Variants in SNCAIP observed in about 807,000 individuals in gnomAD.
SNCAIP encodes the protein synphilin-1.
In SNCAIP, 43 loss-of-function variants were observed where a neutral mutation model predicts 86.7. That is an observed-to-expected ratio of 0.50 (90% CI 0.39 to 0.64). The LOEUF (loss-of-function observed/expected upper bound fraction) is 0.64, where lower values mean the gene tolerates loss of function less well. Ranked by LOEUF, SNCAIP falls within the 30% of genes least tolerant of loss-of-function variation. SNCAIP has a pLI of 0.00. For missense variants in SNCAIP, 981 were observed against 1,103.1 expected, an observed-to-expected ratio of 0.89 and a Z score of 1.57; for synonymous variants, 417 against 427.2, an observed-to-expected ratio of 0.98 and a Z score of 0.29.
rs115959188 is a variant in SNCAIP, at chr5:122,445,406, A to G, written c.1592+674A>G. 3.8e-3 allele frequency among the ~76,000 whole-genome samples: 582 copies of G among 152,240 alleles called. 7 individuals carry two copies. Among genetic ancestry groups the G allele is most frequent in the African/African-American group, 0.013 (547 of 41,546 alleles). ...TCTGGGAGATTGTCATAATATGCTT[A>G]GAGAAAGAGGTCCCAGATGAAAGGT... On this transcript the variant is annotated intron_variant, in intron 8 of 10. Coordinates refer to ENST00000261368, the MANE Select transcript of SNCAIP (RefSeq NM_005460.4).
chr5:122,441,024 A>AGG, intron 7 of SNCAIP: 1 of 394,026 alleles, frequency 2.5e-6, no homozygotes, highest in Non-Finnish European at 4.7e-6. Context: ...CCCAGTGCTG[A>AGG]GGACAATAGA....
intron 6 of SNCAIP, among the ~76,000 whole-genome samples, chr5:122,438,532 T>C (rs962901571): frequency 1.3e-5 from 2 of 152,234 alleles, no homozygotes; most frequent in African/African-American, 2.4e-5. Context: ...TAAATGTATG[T>C]ATAGCTCATA....
intron 1 of SNCAIP, among the ~76,000 whole-genome samples, chr5:122,327,507 A>G (rs1754351786): frequency 6.6e-6 from 1 of 152,126 alleles, no homozygotes; most frequent in African/African-American, 2.4e-5. Context: ...CAGGGGCAGT[A>G]TCCCCCATGT....
intron 2 of SNCAIP, among the ~76,000 whole-genome samples, chr5:122,392,065 C>T (rs1347392636): frequency 1.3e-5 from 2 of 152,186 alleles, no homozygotes; most frequent in Non-Finnish European, 2.9e-5. Context: ...CTATGGGTCA[C>T]CACTCAAAGT....
At chr5:122,458,863 C>A (rs556830882) in intron 10 of SNCAIP, among the ~76,000 whole-genome samples, 1 of 152,278 alleles carries the variant, frequency 6.6e-6, no homozygotes, top group Admixed American at 6.5e-5. Flanking sequence ...AAATAGTAAT[C>A]CCCAATAGCA....
chr5:122,420,773 TAGAG>T (rs1327516511), intron 3 of SNCAIP, among the ~76,000 whole-genome samples: 1 of 152,204 alleles, frequency 6.6e-6, no homozygotes, highest in African/African-American at 2.4e-5. Flanking sequence ...TTTATATTTT[TAGAG>T]AGAAAAGTTC....
intron 7 of SNCAIP, chr5:122,441,175 A>T (rs904377421): frequency 6.5e-5 from 13 of 199,606 alleles, no homozygotes; most frequent in Non-Finnish European, 1.2e-4. Flanking sequence ...ATTTTTCAGG[A>T]ATGGATTAGA....
chr5:122,332,270 A>G (rs928372221), intron 1 of SNCAIP, among the ~76,000 whole-genome samples: 1 of 152,242 alleles, frequency 6.6e-6, no homozygotes. Flanking sequence ...GACCATCAGC[A>G]TCTTTTTATA....
chr5:122,413,459 G>A (rs921301730), intron 3 of SNCAIP, among the ~76,000 whole-genome samples: 3 of 152,138 alleles, frequency 2.0e-5, no homozygotes, highest in Non-Finnish European at 4.4e-5. Flanking sequence ...CCTCCTTGAT[G>A]AGGTTCTCAT....
chr5:122,344,020 C>T (rs960742449), intron 1 of SNCAIP, among the ~76,000 whole-genome samples: 1 of 152,132 alleles, frequency 6.6e-6, no homozygotes, highest in Non-Finnish European at 1.5e-5. Context: ...ATGCCTTCCA[C>T]GGCTACTGTA....
chr5:122,368,626 A>G (rs1435501860), intron 1 of SNCAIP, among the ~76,000 whole-genome samples: 1 of 152,174 alleles, frequency 6.6e-6, no homozygotes, highest in Admixed American at 6.6e-5. Flanking sequence ...TATTTGAAGG[A>G]TCCAGCTTAG....
intron 1 of SNCAIP, among the ~76,000 whole-genome samples, chr5:122,378,310 A>C: frequency 7.2e-6 from 1 of 138,528 alleles, no homozygotes; most frequent in East Asian, 2.2e-4. Flanking sequence ...GCATTTTTTC[A>C]TGTGTTTTTT....
At chr5:122,365,648 T>C (rs1214798579) in intron 1 of SNCAIP, among the ~76,000 whole-genome samples, 6 of 152,168 alleles carry the variant, frequency 3.9e-5, no homozygotes, top group African/African-American at 1.4e-4. Context: ...CACTGCACTC[T>C]AGTCTGGGCG....
chr5:122,369,976 T>C (rs1389288805), intron 1 of SNCAIP: 1 of 152,182 alleles, frequency 6.6e-6, no homozygotes, highest in Non-Finnish European at 1.5e-5. Flanking sequence ...TTAGAGCAAG[T>C]GGTTTCACTT....
intron 1 of SNCAIP, among the ~76,000 whole-genome samples, chr5:122,327,122 A>G (rs1429131969): frequency 6.6e-6 from 1 of 152,008 alleles, no homozygotes; most frequent in East Asian, 1.9e-4. Flanking sequence ...CTCAAGTGAA[A>G]TAAAGTCCAA....
intron 3 of SNCAIP, among the ~76,000 whole-genome samples, chr5:122,415,976 G>C (rs142587971): frequency 1.1e-4 from 17 of 152,230 alleles, no homozygotes; most frequent in Non-Finnish European, 2.9e-5. Flanking sequence ...CGAAGACCAC[G>C]TAACTTTCTG....
At chr5:122,368,847 C>G (rs185881620) in intron 1 of SNCAIP, among the ~76,000 whole-genome samples, 1 of 152,312 alleles carries the variant, frequency 6.6e-6, no homozygotes, top group East Asian at 1.9e-4. Flanking sequence ...CCTACCCTGG[C>G]TGGTCACAAA....
chr5:122,452,537 A>G (rs1475513364), intron 10 of SNCAIP, among the ~76,000 whole-genome samples: 1 of 152,228 alleles, frequency 6.6e-6, no homozygotes, highest in Non-Finnish European at 1.5e-5. Context: ...ACCCAAATCA[A>G]GTTTTAGTGA....
intron 7 of SNCAIP, among the ~76,000 whole-genome samples, chr5:122,442,222 G>A (rs1229034592): frequency 1.4e-5 from 2 of 148,108 alleles, no homozygotes; most frequent in East Asian, 2.0e-4. Flanking sequence ...CTGGGTGCAA[G>A]ATAGATGGTA....
Sources: gnomAD v4.1 joint callset for allele counts (sites outside exome capture counted in the v4.1 genomes callset) on GRCh38, gnomAD v4.1.1 for gene constraint, MANE v1.5 for transcripts, NCBI Gene and HGNC (gene_info 2026-07-23, HGNC 2026-07-21) for gene names.